Variants in ARHGAP15 observed in about 807,000 individuals in gnomAD.
ARHGAP15 encodes the protein rho GTPase-activating protein 15.
A neutral mutation model predicts 63.7 loss-of-function variants in ARHGAP15; 51 were observed. The observed-to-expected ratio is 0.80, with a 90% CI of 0.64 to 1.01. The LOEUF is 1.01. ARHGAP15 is among the 50% of genes least tolerant of loss of function. ARHGAP15 has a pLI of 0.00. For missense variants in ARHGAP15, 560 were observed against 564.6 expected (o/e 0.99, Z 0.08); for synonymous variants, 191 against 193.8 (o/e 0.99, Z 0.12).
At chr2:143,398,774 T>TC (rs1687875928) in intron 6 of ARHGAP15, among the ~76,000 whole-genome samples, 1 of 15,180 alleles carries the variant, frequency 6.6e-5, no homozygotes, top group African/African-American at 2.6e-4. Flanking sequence ...AAAAAAATCC[T>TC]CATTTTTTTT....
intron 12 of ARHGAP15, among the ~76,000 whole-genome samples, chr2:143,649,411 G>A (rs956507231): frequency 8.5e-5 from 13 of 152,058 alleles, no homozygotes; most frequent in African/African-American, 1.2e-4. Flanking sequence ...TTTCCTGACC[G>A]TAACTGAATT....
chr2:143,244,889 A>G (rs1206843976), intron 5 of ARHGAP15, among the ~76,000 whole-genome samples: 1 of 152,252 alleles, frequency 6.6e-6, no homozygotes, highest in Non-Finnish European at 1.5e-5. Flanking sequence ...TAATTCCAGA[A>G]TTCGAGACTT....
intron 13 of ARHGAP15, among the ~76,000 whole-genome samples, chr2:143,739,802 C>T (rs1685891074): frequency 6.6e-6 from 1 of 152,170 alleles, no homozygotes; most frequent in Non-Finnish European, 1.5e-5. Flanking sequence ...CACACCCAGC[C>T]TAGCTGATAA....
At chr2:143,348,258 T>C (rs996923219) in intron 6 of ARHGAP15, among the ~76,000 whole-genome samples, 17 of 152,202 alleles carry the variant, frequency 1.1e-4, no homozygotes, top group African/African-American at 4.1e-4. Flanking sequence ...AAGCCAAAGT[T>C]GAATTTTATG....
At chr2:143,528,550 G>C (rs1421506153) in intron 10 of ARHGAP15, among the ~76,000 whole-genome samples, 1 of 151,920 alleles carries the variant, frequency 6.6e-6, no homozygotes, top group African/African-American at 2.4e-5. Flanking sequence ...ATTGGATATT[G>C]ATTTCATTTC....
chr2:143,662,263 C>A (rs1454894631), intron 12 of ARHGAP15, among the ~76,000 whole-genome samples: 1 of 151,418 alleles, frequency 6.6e-6, no homozygotes, highest in Non-Finnish European at 1.5e-5. Context: ...TGACCCCTGA[C>A]CCCCGAGCAG....
chr2:143,671,757 A>ATCTT (rs1183484567), intron 12 of ARHGAP15, among the ~76,000 whole-genome samples: 1 of 152,166 alleles, frequency 6.6e-6, no homozygotes, highest in Non-Finnish European at 1.5e-5. Flanking sequence ...TCTCTGTATA[A>ATCTT]TCTTTAAAGA....
Position 143,414,110 on chromosome 2 carries a change from ATATATG to A in ARHGAP15, c.475-21480_475-21475del, listed in dbSNP as rs1688579908. On this transcript the variant is annotated intron_variant, in intron 6 of 13. Transcript: ENST00000295095. ...TGCATATATTTAGGAAACAAAAAAT[ATATATG>A]TATATGTATACTTATATATGTAATT... 2.0e-5 allele frequency among the ~76,000 whole-genome samples: 3 copies of A among 151,558 alleles called. No individual in the cohort carries two copies. In the South Asian group the frequency reaches 6.2e-4, roughly 31 times the overall value.
intron 6 of ARHGAP15, among the ~76,000 whole-genome samples, chr2:143,413,966 T>TGTGTGTGTGTGCGCGCGCGCGTGC: frequency 1.7e-5 from 2 of 117,910 alleles, no homozygotes; most frequent in African/African-American, 7.1e-5. Flanking sequence ...TGTGTGTGTG[T>TGTGTGTGTGTGCGCGCGCGCGTGC]GCGCGCTCTC....
intron 6 of ARHGAP15, among the ~76,000 whole-genome samples, chr2:143,383,895 G>A (rs538859713): frequency 1.3e-5 from 2 of 152,164 alleles, no homozygotes; most frequent in South Asian, 2.1e-4. Context: ...TACAAGATGG[G>A]GTCTTAGAGT....
At chr2:143,625,634 A>G (rs1260743075) in intron 12 of ARHGAP15, among the ~76,000 whole-genome samples, 1 of 152,164 alleles carries the variant, frequency 6.6e-6, no homozygotes, top group Non-Finnish European at 1.5e-5. Context: ...TCCTAACTTC[A>G]TTTGAAAAGA....
chr2:143,747,561 G>A lies in ARHGAP15; in HGVS notation c.1245-20428G>A, dbSNP rs1712958. Among the ~76,000 whole-genome samples the A allele has an allele frequency of 2.9e-4, 44 of 152,148 alleles. 1 individual carries two copies. The East Asian group carries it at 7.3e-3, about 25-fold the overall frequency. ...TCCTCCCTCCCTCCCCAAAACCTCT[G>A]CAACCACTGTTCTTTTTCTGTCTCC... On this transcript the variant is annotated intron_variant, in intron 13 of 13. Transcript: ENST00000295095.
chr2:143,595,619 T>C lies in ARHGAP15; in HGVS notation c.1004-28514T>C, dbSNP rs189734778. Among the ~76,000 whole-genome samples the C allele has an allele frequency of 1.2e-4, 18 of 152,222 alleles. No individual in the cohort carries two copies. In the East Asian group the frequency reaches 3.5e-3, roughly 29 times the overall value. On this transcript the variant is annotated intron_variant, in intron 11 of 13. Coordinates refer to ENST00000295095, the MANE Select transcript of ARHGAP15 (RefSeq NM_018460.4). ...CTAGTACTACCTGGAATATAGTAGATGCCAAATTAAGACTAGTCAAAAGAA... is the reference window on the plus strand; with the variant it reads ...CTAGTACTACCTGGAATATAGTAGACGCCAAATTAAGACTAGTCAAAAGAA...
At chr2:143,672,555 C>T (rs952817135) in intron 12 of ARHGAP15, among the ~76,000 whole-genome samples, 2 of 152,098 alleles carry the variant, frequency 1.3e-5, no homozygotes, top group South Asian at 4.2e-4. Flanking sequence ...AAACCGCACT[C>T]GAGTTAAACT....
At chr2:143,270,443 A>AT (rs1260956308) in intron 6 of ARHGAP15, among the ~76,000 whole-genome samples, 1 of 152,114 alleles carries the variant, frequency 6.6e-6, no homozygotes, top group East Asian at 1.9e-4. Context: ...GAACTTCAAT[A>AT]TTTTTTAGCA....
At chr2:143,633,972 C>T (rs1680175225) in intron 12 of ARHGAP15, among the ~76,000 whole-genome samples, 1 of 152,096 alleles carries the variant, frequency 6.6e-6, no homozygotes. Context: ...TTCCCATATT[C>T]ATTTTTTTCT....
intron 4 of ARHGAP15, among the ~76,000 whole-genome samples, chr2:143,216,836 C>T (rs1227578882): frequency 1.3e-5 from 2 of 152,172 alleles, no homozygotes; most frequent in African/African-American, 4.8e-5. Context: ...ATTTGAACCA[C>T]TTTTGTAGCT....
intron 12 of ARHGAP15, among the ~76,000 whole-genome samples, chr2:143,647,160 A>T (rs1188705071): frequency 6.6e-6 from 1 of 151,764 alleles, no homozygotes; most frequent in Non-Finnish European, 1.5e-5. Flanking sequence ...TGTTATACTG[A>T]CTCAAACCAG....
At chr2:143,743,663 C>T (rs1431721197) in intron 13 of ARHGAP15, among the ~76,000 whole-genome samples, 1 of 152,100 alleles carries the variant, frequency 6.6e-6, no homozygotes, top group Non-Finnish European at 1.5e-5. Context: ...TGCCTCGTTC[C>T]CCGTTTCAGC....
Sources: allele counts gnomAD v4.1 joint callset (sites outside exome capture counted in the v4.1 genomes callset), GRCh38; gene constraint gnomAD v4.1.1; transcripts MANE v1.5; gene names NCBI Gene and HGNC (gene_info 2026-07-23, HGNC 2026-07-21).